The following PCDHA8 variants were observed in gnomAD, a reference collection of about 807,000 sequenced individuals.
The protein encoded by PCDHA8 is protocadherin alpha-8.
In PCDHA8, 53 loss-of-function variants were observed where a neutral mutation model predicts 61.8. That is an observed-to-expected ratio of 0.86 (90% CI 0.69 to 1.08). The LOEUF (loss-of-function observed/expected upper bound fraction) is 1.08. Among genes scored for constraint, PCDHA8 ranks in the 50% least tolerant of loss-of-function variants. PCDHA8 has a pLI of 0.00. For missense variants in PCDHA8, 1,293 were observed against 1,245.0 expected, an observed-to-expected ratio of 1.04 and a Z score of -0.58; for synonymous variants, 618 against 556.6, an observed-to-expected ratio of 1.11 and a Z score of -1.55.
chr5:140,896,008 T>C (rs1231092307), intron 1 of PCDHA8, among the ~76,000 whole-genome samples: 4 of 152,082 alleles, frequency 2.6e-5, no homozygotes, highest in Non-Finnish European at 4.4e-5. Flanking sequence ...ACAGGGTTTC[T>C]CCATGTTGGC....
intron 1 of PCDHA8, among the ~76,000 whole-genome samples, chr5:140,905,080 C>G (rs2071583789): frequency 6.6e-6 from 1 of 152,128 alleles, no homozygotes; most frequent in Non-Finnish European, 1.5e-5. Flanking sequence ...GTTGCACTTT[C>G]TTTTGGGTTC....
intron 1 of PCDHA8, among the ~76,000 whole-genome samples, chr5:140,911,672 C>T (rs1010402307): frequency 2.6e-5 from 4 of 152,154 alleles, no homozygotes; most frequent in Non-Finnish European, 5.9e-5. Flanking sequence ...TTGCCTCTCA[C>T]GAACCGTGCA....
intron 1 of PCDHA8, among the ~76,000 whole-genome samples, chr5:140,899,629 G>T (rs2067446538): frequency 6.6e-6 from 1 of 152,116 alleles, no homozygotes; most frequent in African/African-American, 2.4e-5. Flanking sequence ...AAGGATATTG[G>T]TCTAAAATTC....
chr5:140,884,590 C>T, intron 1 of PCDHA8: 1 of 1,614,182 alleles, frequency 6.2e-7, no homozygotes, highest in Non-Finnish European at 8.5e-7. Flanking sequence ...CCTTCAGTCC[C>T]AGCCTTCCTC....
chr5:140,996,365 T>C (rs1017086317), intron 3 of PCDHA8, among the ~76,000 whole-genome samples: 4 of 152,196 alleles, frequency 2.6e-5, no homozygotes, highest in African/African-American at 9.7e-5. Context: ...GAAGCCATTT[T>C]GTTGTCGGCT....
chr5:140,892,516 C>T (rs1308217040), intron 1 of PCDHA8, among the ~76,000 whole-genome samples: 1 of 152,222 alleles, frequency 6.6e-6, no homozygotes, highest in East Asian at 1.9e-4. Context: ...TCCACCATGA[C>T]TGGTAGACTC....
chr5:140,965,496 ATTT>A (rs71766133), intron 1 of PCDHA8, among the ~76,000 whole-genome samples: 1 of 146,428 alleles, frequency 6.8e-6, no homozygotes. Flanking sequence ...ATGACAGCAG[ATTT>A]TTTTTTTTTT....
chr5:140,882,156 A>C (rs1582595846), intron 1 of PCDHA8: 2 of 1,504,204 alleles, frequency 1.3e-6, no homozygotes, highest in Non-Finnish European at 1.8e-6. Flanking sequence ...AAAGCGGAAT[A>C]CCTCTTGCGA....
At chr5:140,881,147 A>G (rs982102013) in intron 1 of PCDHA8, among the ~76,000 whole-genome samples, 3 of 152,238 alleles carry the variant, frequency 2.0e-5, no homozygotes, top group Non-Finnish European at 4.4e-5. Context: ...ATAACAATAG[A>G]TAAAAGTAAG....
chr5:140,996,196 A>G (rs2097716509), intron 3 of PCDHA8, among the ~76,000 whole-genome samples: 2 of 152,216 alleles, frequency 1.3e-5, no homozygotes, highest in South Asian at 2.1e-4. Context: ...TATACCCTCA[A>G]TGCAAGGATA....
intron 1 of PCDHA8, 193 bp downstream of exon 1, chr5:140,843,908 G>T: frequency 1.6e-6 from 1 of 638,262 alleles, no homozygotes. Context: ...TCCACAAGTT[G>T]GGTCTATCTT....
intron 1 of PCDHA8, chr5:140,860,525 C>T (rs1269714360): frequency 1.3e-5 from 2 of 152,112 alleles, no homozygotes; most frequent in Non-Finnish European, 2.9e-5. Context: ...TCATGGAATT[C>T]TGATTTGTAA....
intron 1 of PCDHA8, chr5:140,882,107 A>C: frequency 7.3e-7 from 1 of 1,367,220 alleles, no homozygotes; most frequent in Non-Finnish European, 9.8e-7. Flanking sequence ...TTCCGCGAAG[A>C]AAGCCGCCGT....
At chr5:140,863,489 C>T (rs1032120656) in intron 1 of PCDHA8, 20 of 450,876 alleles carry the variant, frequency 4.4e-5, no homozygotes, top group Non-Finnish European at 8.4e-5. Context: ...CCAAGGTCAA[C>T]ATTACGGCTT....
In PCDHA8 at chr5:140,848,642, G is replaced by T. The variant is rs148369101; in HGVS notation, c.2394+4927G>T. On this transcript the variant is annotated intron_variant, in intron 1 of 3. Coordinates refer to ENST00000531613, the MANE Select transcript of PCDHA8 (RefSeq NM_018911.3). ...ACGGCACCTTCGTGGGCCGCATCGC[G>T]CAGGACCTGGGGCTGGAGCTGGCGG... 1.4e-5 allele frequency: 23 copies of T among 1,593,086 alleles called. 1 individual carries two copies. Among genetic ancestry groups the T allele is most frequent in the Admixed American group, 5.1e-5 (3 of 59,214 alleles).
At chr5:140,939,987 C>T (rs2092516961) in intron 1 of PCDHA8, among the ~76,000 whole-genome samples, 1 of 152,060 alleles carries the variant, frequency 6.6e-6, no homozygotes. Flanking sequence ...TGAATTGTTT[C>T]TCCTTGGATT....
intron 1 of PCDHA8, chr5:140,881,246 G>A (rs1006093115): frequency 4.8e-6 from 2 of 415,054 alleles, no homozygotes; most frequent in Non-Finnish European, 6.5e-6. Flanking sequence ...TTAAATGACG[G>A]CAAGGTTTTA....
At chr5:140,910,935 C>T (rs192394348) in intron 1 of PCDHA8, among the ~76,000 whole-genome samples, 4 of 152,192 alleles carry the variant, frequency 2.6e-5, no homozygotes, top group African/African-American at 9.6e-5. Context: ...TAAGAAAGCT[C>T]AAGCAGTTCT....
chr5:140,891,970 C>G (rs1554185021), intron 1 of PCDHA8, among the ~76,000 whole-genome samples: 1 of 152,170 alleles, frequency 6.6e-6, no homozygotes, highest in East Asian at 1.9e-4. Flanking sequence ...AGTAAATTTC[C>G]GTTCTCATAA....
Sources: allele counts gnomAD v4.1 joint callset (sites outside exome capture counted in the v4.1 genomes callset), GRCh38; gene constraint gnomAD v4.1.1; transcripts MANE v1.5; gene names NCBI Gene and HGNC (gene_info 2026-07-23, HGNC 2026-07-21).